Variants in TRAPPC9 observed in about 807,000 individuals in gnomAD.
TRAPPC9 encodes trafficking protein particle complex subunit 9, also known as IKK2 binding protein.
Under a neutral mutation model 124.0 loss-of-function variants are expected in TRAPPC9, and 83 were observed. The ratio of observed to expected loss-of-function variants is 0.67; its 90% CI spans 0.56 to 0.80. The LOEUF is 0.80. Ranked by LOEUF, TRAPPC9 falls within the 30% of genes least tolerant of loss-of-function variation. TRAPPC9 has a pLI of 0.00. For missense variants in TRAPPC9, 1,302 were observed against 1,508.3 expected (o/e 0.86, Z 2.27); for synonymous variants, 638 against 617.5 (o/e 1.03, Z -0.49).
intron 16 of TRAPPC9, among the ~76,000 whole-genome samples, chr8:140,229,965 G>A (rs1187237022): frequency 6.6e-6 from 1 of 152,174 alleles, no homozygotes; most frequent in African/African-American, 2.4e-5. Flanking sequence ...AAATCTGAGA[G>A]TGAGATTTCC....
At chr8:139,806,504 C>T (rs905305524) in intron 21 of TRAPPC9, among the ~76,000 whole-genome samples, 3 of 152,184 alleles carry the variant, frequency 2.0e-5, no homozygotes, top group Admixed American at 2.0e-4. Context: ...GCAGCAGCAA[C>T]AGGATTAAGA....
chr8:140,288,881 G>T (rs764812987), intron 12 of TRAPPC9, among the ~76,000 whole-genome samples: 2 of 152,138 alleles, frequency 1.3e-5, no homozygotes, highest in Non-Finnish European at 2.9e-5. Flanking sequence ...GGAAATCCTG[G>T]ATTCTTTTTA....
At chr8:140,187,556 T>G (rs1474940621) in intron 17 of TRAPPC9, among the ~76,000 whole-genome samples, 1 of 152,222 alleles carries the variant, frequency 6.6e-6, no homozygotes, top group East Asian at 1.9e-4. Context: ...TGAAGAATAC[T>G]GAAGAGCAGC....
intron 2 of TRAPPC9, among the ~76,000 whole-genome samples, chr8:140,444,685 A>ACCCC (rs35123329): frequency 4.5e-4 from 68 of 150,448 alleles, no homozygotes; most frequent in East Asian, 1.6e-3. Context: ...ACATGGTGAG[A>ACCCC]CCCCCCCCAT....
chr8:139,826,391 C>T (rs987785682), intron 21 of TRAPPC9, among the ~76,000 whole-genome samples: 1 of 152,208 alleles, frequency 6.6e-6, no homozygotes, highest in Non-Finnish European at 1.5e-5. Flanking sequence ...ATGGGGGCTG[C>T]AGGAGCCGGC....
intron 18 of TRAPPC9, among the ~76,000 whole-genome samples, chr8:140,000,440 C>G (rs1445681849): frequency 6.6e-6 from 1 of 152,190 alleles, no homozygotes; most frequent in Non-Finnish European, 1.5e-5. Context: ...TCAGAGTGAA[C>G]AGGCAACCTA....
chr8:140,030,607 G>A (rs566225362), intron 17 of TRAPPC9, among the ~76,000 whole-genome samples: 1 of 152,300 alleles, frequency 6.6e-6, no homozygotes, highest in East Asian at 1.9e-4. Flanking sequence ...CAACCTCCAT[G>A]TCCAACAAGA....
At chr8:140,083,400 C>T (rs1292469124) in intron 17 of TRAPPC9, among the ~76,000 whole-genome samples, 4 of 152,050 alleles carry the variant, frequency 2.6e-5, no homozygotes, top group South Asian at 2.1e-4. Context: ...ATTACACTGA[C>T]GAACATTGAG....
At chr8:140,094,065 A>G (rs966533787) in intron 17 of TRAPPC9, among the ~76,000 whole-genome samples, 1 of 152,082 alleles carries the variant, frequency 6.6e-6, no homozygotes, top group Non-Finnish European at 1.5e-5. Context: ...CACCTAGACC[A>G]TCTCCACTCT....
chr8:140,443,658 T>C (rs1031199876), intron 2 of TRAPPC9, among the ~76,000 whole-genome samples: 1 of 152,060 alleles, frequency 6.6e-6, no homozygotes, highest in Non-Finnish European at 1.5e-5. Context: ...CTCAGCACTT[T>C]GGGAAGCCGA....
At chr8:139,912,004 G>A (rs915758450) in intron 19 of TRAPPC9, among the ~76,000 whole-genome samples, 1 of 152,062 alleles carries the variant, frequency 6.6e-6, no homozygotes, top group Non-Finnish European at 1.5e-5. Flanking sequence ...CGCAAGCAGA[G>A]GACAGTGCTT....
intron 19 of TRAPPC9, among the ~76,000 whole-genome samples, chr8:139,983,119 T>C (rs966401832): frequency 7.2e-5 from 11 of 152,196 alleles, no homozygotes; most frequent in African/African-American, 2.4e-4. Context: ...TTCTTTTAAA[T>C]GAAGCTTGAG....
At chr8:139,964,851 C>T (rs571659945) in intron 19 of TRAPPC9, among the ~76,000 whole-genome samples, 5 of 152,212 alleles carry the variant, frequency 3.3e-5, no homozygotes, top group Admixed American at 6.5e-5. Flanking sequence ...GACCCCAGTG[C>T]TGCTCATACA....
intron 17 of TRAPPC9, among the ~76,000 whole-genome samples, chr8:140,033,572 G>T (rs1840635695): frequency 6.8e-6 from 1 of 146,974 alleles, no homozygotes; most frequent in African/African-American, 2.5e-5. Flanking sequence ...ATTTCATCCA[G>T]GGAAATCTCC....
At chr8:139,808,486 G>T (rs542315823) in intron 21 of TRAPPC9, among the ~76,000 whole-genome samples, 1 of 152,102 alleles carries the variant, frequency 6.6e-6, no homozygotes, top group Non-Finnish European at 1.5e-5. Context: ...ACAATTCAGG[G>T]TTTTTAAAAT....
chr8:140,119,812 A>C (rs1485319708), intron 17 of TRAPPC9, among the ~76,000 whole-genome samples: 1 of 152,176 alleles, frequency 6.6e-6, no homozygotes, highest in Admixed American at 6.5e-5. Context: ...AAACCTTCAA[A>C]GTTCCTCTAA....
In TRAPPC9 at chr8:139,789,817, G is replaced by A. The variant is rs114191010; in HGVS notation, c.3056-57615C>T. On this transcript the variant is annotated intron_variant, in intron 21 of 22. Coordinates refer to ENST00000438773, the MANE Select transcript of TRAPPC9 (RefSeq NM_001160372.4). ...TGTGATCGAGGGAGGACCAAATGGC[G>A]GTCTTACTGAGCAGAGACCTCAACT... 1.0e-2 allele frequency among the ~76,000 whole-genome samples: 1,522 copies of A among 152,232 alleles called. 32 individuals carry two copies. Among genetic ancestry groups the A allele is most frequent in the African/African-American group, 0.034 (1,431 of 41,532 alleles).
At chr8:140,056,068 G>T (rs1361390423) in intron 17 of TRAPPC9, among the ~76,000 whole-genome samples, 1 of 151,948 alleles carries the variant, frequency 6.6e-6, no homozygotes, top group Non-Finnish European at 1.5e-5. Context: ...AAAGCTGGAG[G>T]CATCCACTTT....
At chr8:140,308,209 G>T (rs148639532) in intron 10 of TRAPPC9, among the ~76,000 whole-genome samples, 75 of 152,026 alleles carry the variant, frequency 4.9e-4, no homozygotes, top group African/African-American at 1.7e-3. Context: ...AAGCAGGAGC[G>T]TAGGACCAAG....
Sources: allele counts gnomAD v4.1 joint callset (sites outside exome capture counted in the v4.1 genomes callset), GRCh38; gene constraint gnomAD v4.1.1; transcripts MANE v1.5; gene names NCBI Gene and HGNC (gene_info 2026-07-23, HGNC 2026-07-21).